The following CKAP2L variants were observed in gnomAD, a reference collection of about 807,000 sequenced individuals.
CKAP2L encodes cytoskeleton-associated protein 2-like.
A neutral mutation model predicts 65.7 loss-of-function variants in CKAP2L; 42 were observed. That is an observed-to-expected ratio of 0.64 (90% CI 0.50 to 0.83). The LOEUF (loss-of-function observed/expected upper bound fraction) is 0.83. Ranked by LOEUF, CKAP2L falls within the 40% of genes least tolerant of loss-of-function variation. The probability of loss-of-function intolerance (pLI) is 0.00; values close to 1 mark genes in which losing one functional copy is unlikely to be tolerated. For missense variants in CKAP2L, 908 were observed against 871.0 expected (o/e 1.04, Z -0.53); for synonymous variants, 325 against 313.5 (o/e 1.04, Z -0.39).
At chr2:112,739,088 TA>T (rs543274737) in intron 8 of CKAP2L, 40 bp from the exon 9 acceptor site, 647 of 1,430,064 alleles carry the variant, frequency 4.5e-4, no homozygotes, top group African/African-American at 1.2e-3. Context: ...CCTTATCATT[TA>T]AAAAAATTAT....
intron 1 of CKAP2L, chr2:112,764,184 G>A (rs372062059): frequency 3.5e-6 from 1 of 285,534 alleles, no homozygotes; most frequent in Non-Finnish European, 6.8e-6. Context: ...TGGCACAGAG[G>A]ACCACGCCCG....
chr2:112,751,528 C>CA (rs1553441468), intron 5 of CKAP2L, among the ~76,000 whole-genome samples: 1 of 151,762 alleles, frequency 6.6e-6, no homozygotes, highest in Non-Finnish European at 1.5e-5. Context: ...AATACAACAA[C>CA]AAAAAAAGAG....
chr2:112,762,785 CTTT>C (rs78440426), intron 1 of CKAP2L, among the ~76,000 whole-genome samples: 3 of 142,250 alleles, frequency 2.1e-5, no homozygotes, highest in African/African-American at 2.6e-5. Context: ...AAACTTACTA[CTTT>C]TTTTTTTTTT....
At chr2:112,749,131 A>T (rs551191653) in intron 5 of CKAP2L, among the ~76,000 whole-genome samples, 344 of 152,344 alleles carry the variant, frequency 2.3e-3, no homozygotes, top group African/African-American at 8.0e-3. Flanking sequence ...AGAGAGTTTC[A>T]AATTTGTTTA....
intron 3 of CKAP2L, among the ~76,000 whole-genome samples, chr2:112,759,727 T>C (rs1313648030): frequency 6.6e-6 from 1 of 152,208 alleles, no homozygotes; most frequent in Admixed American, 6.5e-5. Context: ...CTTCACAGTG[T>C]CTAATGATGT....
At chr2:112,758,369 G>A (rs956126282) in intron 3 of CKAP2L, among the ~76,000 whole-genome samples, 1 of 152,132 alleles carries the variant, frequency 6.6e-6, no homozygotes, top group African/African-American at 2.4e-5. Flanking sequence ...GTAAGATATG[G>A]GAATGCTAGA....
At chr2:112,739,154 T>C in intron 8 of CKAP2L, 106 bp from the exon 9 acceptor site, 6 of 872,354 alleles carry the variant, frequency 6.9e-6, no homozygotes, top group South Asian at 5.2e-5. Flanking sequence ...CATTTTAACA[T>C]AGGGTGATAC....
At chr2:112,755,289 G>C (rs17042335) in intron 4 of CKAP2L, among the ~76,000 whole-genome samples, 2,551 of 152,246 alleles carry the variant, frequency 0.017, 74 homozygotes, top group African/African-American at 0.058. Context: ...CTGAGATCTT[G>C]ATTTCCACGC....
In CKAP2L at chr2:112,738,416, G is replaced by C. The variant is rs933434163; in HGVS notation, c.*407C>G. On this transcript the variant is annotated 3_prime_UTR_variant, in exon 9 of 9. Coordinates refer to ENST00000302450, the MANE Select transcript of CKAP2L (RefSeq NM_152515.5). ...AAGGTCCATTCAGCCTGTCAAGCTAGCGTCAAAGTTCAGATCTTCCACGAT... is the reference window on the plus strand; with the variant it reads ...AAGGTCCATTCAGCCTGTCAAGCTACCGTCAAAGTTCAGATCTTCCACGAT... 2.2e-5 allele frequency: 4 copies of C among 179,644 alleles called. No individual in the cohort carries two copies. The Admixed American group carries it at 2.3e-4, about 10-fold the overall frequency. 11.1% of individuals were successfully genotyped at this position (179,644 alleles called of 1,614,324 possible).
rs1268707423 is a variant in CKAP2L at position 112,737,347 on chromosome 2, A to G, written c.*1476T>C. 2.0e-5 allele frequency: 3 copies of G among 152,184 alleles called. No homozygotes were observed. Among genetic ancestry groups the G allele is most frequent in the Non-Finnish European group, 2.9e-5 (2 of 68,038 alleles). The allele number at this position is 152,184 out of a possible 1,614,324, so 9.4% of individuals were successfully genotyped here. A position where few individuals can be genotyped will look rare whatever the true frequency, so the allele number is the denominator to read the frequency against. On this transcript the variant is annotated 3_prime_UTR_variant, in exon 9 of 9. Coordinates refer to ENST00000302450, the MANE Select transcript of CKAP2L (RefSeq NM_152515.5). Reference sequence around the variant, plus strand: ...TGCCCCAGTCTACACGCCCACAAACAGTGTACTAGGGTTCTCTTTTCTCCA... The same window carrying G: ...TGCCCCAGTCTACACGCCCACAAACGGTGTACTAGGGTTCTCTTTTCTCCA...
chr2:112,752,157 C>T (rs958861966), intron 5 of CKAP2L, 110 bp downstream of exon 5: 1 of 741,662 alleles, frequency 1.3e-6, no homozygotes, highest in Non-Finnish European at 2.3e-6. Context: ...ACAAGAGTAG[C>T]TAAATTTCTA....
intron 5 of CKAP2L, among the ~76,000 whole-genome samples, chr2:112,749,255 A>C (rs1680296251): frequency 6.6e-6 from 1 of 152,224 alleles, no homozygotes; most frequent in South Asian, 2.1e-4. Context: ...ATATTCTAAC[A>C]ACAAAAAGCA....
chr2:112,756,271 CATG>C lies in CKAP2L; in HGVS notation c.1097_1099del (p.Ser366del). 1 of 1,614,112 alleles carries C rather than the reference CATG, an allele frequency of 6.2e-7. No homozygotes were observed. Among genetic ancestry groups the C allele is most frequent in the South Asian group, 1.1e-5 (1 of 91,072 alleles). The stretch of plus-strand genomic sequence containing the variant: ...TATGGCTTTTGACTTTTGCAGTACA[CATG>C]ATGTCTGAGGTATACAAACTTGGCT... On this transcript the variant is annotated inframe_deletion, in exon 4 of 9. Transcript: ENST00000302450.
chr2:112,739,027 C>A lies in CKAP2L; in HGVS notation c.2034G>T (p.Val678=). The change falls in exon 9 of 9, where the codon GTG becomes GTT. Residue 678 remains valine (V), a synonymous_variant. Coordinates refer to ENST00000302450, the MANE Select transcript of CKAP2L (RefSeq NM_152515.5). ...PIPRINGMPE[V]QDMKFITPVR... The stretch of plus-strand genomic sequence containing the variant: ...CAGGAGTGATAAATTTCATGTCTTG[C>A]ACTTCCGGCATCCCATTTATTCTGA... 6.2e-7 allele frequency: 1 copy of A among 1,614,074 alleles called. No individual in the cohort carries two copies. The highest frequency in any genetic ancestry group is 8.5e-7 in the Non-Finnish European group (1 of 1,179,948).
rs764255553 is a variant in CKAP2L at position 112,738,904 on chromosome 2, T to G, written c.2157A>C (p.Glu719Asp). The change falls in exon 9 of 9, where the codon GAA becomes GAC. Residue 719 changes from glutamate (E) to aspartate (D), a missense_variant. Coordinates refer to ENST00000302450, the MANE Select transcript of CKAP2L (RefSeq NM_152515.5). The part of the protein sequence containing the change: ...LVVASLDELL[E>D]VEETKCFIFR... ...ATATAAAACATTTTGTTTCTTCCAC[T>G]TCTAACAGTTCATCAAGAGAAGCCA... The G allele has an allele frequency of 6.2e-7, 1 of 1,614,136 alleles. No homozygotes were observed. The highest frequency in any genetic ancestry group is 1.1e-5 in the South Asian group (1 of 91,080).
At chr2:112,740,651 C>T (rs992419494) in intron 8 of CKAP2L, among the ~76,000 whole-genome samples, 167 bp downstream of exon 8, 2 of 152,074 alleles carry the variant, frequency 1.3e-5, no homozygotes, top group South Asian at 2.1e-4. Context: ...AAAAGGTAGG[C>T]GAGACCATAG....
chr2:112,738,986 C>T lies in CKAP2L; in HGVS notation c.2075G>A (p.Arg692Lys). ...KFITPVRRSS[R>K]IERAVSRYPE... ...GTAGCGGGACACTGCTCGCTCAATC[C>T]TCGACGAACGCCGTACAGGAGTGAT... The change falls in exon 9 of 9, where the codon AGG (arginine) becomes AAG (lysine). Residue 692 changes from arginine to lysine, a missense_variant. By Grantham distance (26) the Arg-to-Lys change is conservative. Transcript: ENST00000302450. 6.2e-7 allele frequency: 1 copy of T among 1,614,176 alleles called. No homozygotes were observed. Among genetic ancestry groups the T allele is most frequent in the Middle Eastern group, 1.6e-4 (1 of 6,062 alleles).
intron 7 of CKAP2L, among the ~76,000 whole-genome samples, chr2:112,741,881 C>T (rs1185567426): frequency 2.6e-5 from 4 of 151,526 alleles, no homozygotes; most frequent in Admixed American, 6.6e-5. Context: ...CTGCCTCAGC[C>T]TCCTGAGTAT....
intron 1 of CKAP2L, chr2:112,763,997 G>A (rs763967410): frequency 1.3e-5 from 2 of 154,730 alleles, no homozygotes; most frequent in Non-Finnish European, 2.9e-5. Context: ...ATCTGAGCAG[G>A]AGTATTTTGA....
Sources: gnomAD v4.1 joint callset for allele counts (sites outside exome capture counted in the v4.1 genomes callset) on GRCh38, gnomAD v4.1.1 for gene constraint, MANE v1.5 for transcripts, NCBI Gene and HGNC (gene_info 2026-07-23, HGNC 2026-07-21) for gene names.